Variants in CCDC91 observed in about 807,000 individuals in gnomAD.
CCDC91 encodes coiled-coil domain containing 91, also known as coiled-coil domain-containing protein 91.
In CCDC91, 48 loss-of-function variants were observed where a neutral mutation model predicts 63.2. That is an observed-to-expected ratio of 0.76 (90% CI 0.60 to 0.97). The LOEUF is 0.97. Among genes scored for constraint, CCDC91 ranks in the 50% least tolerant of loss-of-function variants. CCDC91 has a pLI of 0.00. For synonymous variants in CCDC91, 167 were observed against 165.8 expected, an observed-to-expected ratio of 1.01 and a Z score of -0.06; for missense variants, 500 against 494.6, an observed-to-expected ratio of 1.01 and a Z score of -0.10.
chr12:28,514,178 ATT>A (rs760320302), intron 12 of CCDC91, among the ~76,000 whole-genome samples: 5 of 151,878 alleles, frequency 3.3e-5, no homozygotes, highest in Non-Finnish European at 5.9e-5. Context: ...ACAGTATCTC[ATT>A]GTGGTTTTGA....
chr12:28,515,346 C>G (rs1215130569), intron 12 of CCDC91, among the ~76,000 whole-genome samples: 3 of 151,840 alleles, frequency 2.0e-5, no homozygotes, highest in African/African-American at 7.2e-5. Context: ...GTGACCTTCT[C>G]CCTGTTTCAC....
At chr12:28,409,674 T>G (rs1451562672) in intron 8 of CCDC91, among the ~76,000 whole-genome samples, 1 of 152,164 alleles carries the variant, frequency 6.6e-6, no homozygotes, top group African/African-American at 2.4e-5. Context: ...AATGTAGATA[T>G]TTAATGATAT....
At position 28,244,569 on chromosome 12, in the gene CCDC91, C is replaced by T. The variant is rs116569007; in HGVS notation, c.-14-12633C>T. ...AGTGCCTCAGTTGGGATGATGTGAA[C>T]GTTGAACACTGGAGGTGACTTGCTG... On this transcript the variant is annotated intron_variant, in intron 1 of 12. Transcript: ENST00000536442. 7.8e-3 allele frequency among the ~76,000 whole-genome samples: 890 copies of T among 114,772 alleles called. 14 individuals are homozygous for T. The highest frequency in any genetic ancestry group is 0.027 in the African/African-American group (820 of 30,010). The allele number at this position is 114,772 out of a possible 152,430, so 75.3% of individuals were successfully genotyped here.
chr12:28,446,161 C>G (rs1393535437), intron 8 of CCDC91, among the ~76,000 whole-genome samples: 1 of 152,104 alleles, frequency 6.6e-6, no homozygotes, highest in Non-Finnish European at 1.5e-5. Flanking sequence ...GAAAGTTTGG[C>G]TCATAGCACC....
At position 28,476,341 on chromosome 12, in the gene CCDC91, A is replaced by T. The variant is rs373134119; in HGVS notation, c.1102-7711A>T. On this transcript the variant is annotated intron_variant, in intron 11 of 12. Coordinates refer to ENST00000536442, the MANE Select transcript of CCDC91 (RefSeq NM_018318.5). The stretch of plus-strand genomic sequence containing the variant: ...AACTCATTCAAAACCGGTCAACTGC[A>T]TGGAAACTGAACAACCTGCTCCTGA... 6.6e-5 allele frequency among the ~76,000 whole-genome samples: 10 copies of T among 152,280 alleles called. No homozygotes were observed. The East Asian group carries it at 1.3e-3, about 21-fold the overall frequency.
chr12:28,322,366 T>C (rs1565794753), intron 6 of CCDC91, among the ~76,000 whole-genome samples: 1 of 151,854 alleles, frequency 6.6e-6, no homozygotes, highest in Non-Finnish European at 1.5e-5. Context: ...GCTCCAGTCC[T>C]TCTTCTGCTT....
intron 8 of CCDC91, among the ~76,000 whole-genome samples, chr12:28,416,760 CAG>C (rs1947687466): frequency 6.6e-6 from 1 of 152,204 alleles, no homozygotes; most frequent in Admixed American, 6.5e-5. Flanking sequence ...TAGTCAAAAA[CAG>C]AGCTTAGAAG....
intron 1 of CCDC91, among the ~76,000 whole-genome samples, chr12:28,207,218 A>G (rs1052071513): frequency 6.6e-6 from 1 of 152,190 alleles, no homozygotes; most frequent in Non-Finnish European, 1.5e-5. Context: ...ATCTTGGGAA[A>G]AGCTGTTCAC....
chr12:28,519,677 A>G (rs893897858), intron 12 of CCDC91, among the ~76,000 whole-genome samples: 2 of 149,534 alleles, frequency 1.3e-5, no homozygotes, highest in African/African-American at 2.5e-5. Context: ...CCATTAACTC[A>G]TCATTTACAT....
chr12:28,234,247 A>G (rs1228401584), intron 1 of CCDC91, among the ~76,000 whole-genome samples: 1 of 152,144 alleles, frequency 6.6e-6, no homozygotes. Context: ...AATCTTTTCT[A>G]TGAACACAGG....
intron 6 of CCDC91, among the ~76,000 whole-genome samples, chr12:28,326,504 C>T (rs1941015561): frequency 6.7e-6 from 1 of 149,794 alleles, no homozygotes; most frequent in South Asian, 2.1e-4. Context: ...CACCCACTAA[C>T]TCGTCATCTA....
chr12:28,483,586 T>C (rs10843187), intron 11 of CCDC91, among the ~76,000 whole-genome samples: 111,519 of 151,922 alleles, frequency 0.73, 41,362 homozygotes, highest in Middle Eastern at 0.79. Flanking sequence ...AACATCTTAA[T>C]CTGGCAAGAG....
At chr12:28,485,024 T>C (rs1022671230) in intron 12 of CCDC91, among the ~76,000 whole-genome samples, 8 of 151,912 alleles carry the variant, frequency 5.3e-5, no homozygotes, top group African/African-American at 1.9e-4. Flanking sequence ...ATGAGGAAAT[T>C]TGACACAATA....
intron 8 of CCDC91, among the ~76,000 whole-genome samples, chr12:28,416,348 AG>A (rs1337187027): frequency 6.6e-6 from 1 of 152,140 alleles, no homozygotes; most frequent in African/African-American, 2.4e-5. Context: ...TGTGTATCAA[AG>A]GGTATAGATA....
chr12:28,316,556 CTTTTTTTTTTT>C (rs67889099), intron 6 of CCDC91, among the ~76,000 whole-genome samples: 11 of 28,484 alleles, frequency 3.9e-4, no homozygotes, highest in South Asian at 2.0e-3. Context: ...CAACTCACAC[CTTTTTTTTTTT>C]TTTTTTTTTT....
At chr12:28,302,715 C>T (rs1938213872) in intron 3 of CCDC91, 1 of 818,800 alleles carries the variant, frequency 1.2e-6, no homozygotes, top group African/African-American at 1.8e-5. Flanking sequence ...GTATTATTAA[C>T]TGAGATGGAA....
intron 12 of CCDC91, among the ~76,000 whole-genome samples, chr12:28,508,126 C>G (rs1184742499): frequency 6.6e-6 from 1 of 151,928 alleles, no homozygotes; most frequent in East Asian, 2.0e-4. Flanking sequence ...AAGGCAGGCT[C>G]TGAGTAGTGC....
intron 1 of CCDC91, among the ~76,000 whole-genome samples, chr12:28,249,163 G>C (rs1354046514): frequency 6.6e-6 from 1 of 152,170 alleles, no homozygotes; most frequent in Non-Finnish European, 1.5e-5. Context: ...AGCTTTTCTG[G>C]AGAATGAGAG....
intron 1 of CCDC91, among the ~76,000 whole-genome samples, chr12:28,228,670 A>G (rs1246342220): frequency 6.6e-6 from 1 of 152,144 alleles, no homozygotes; most frequent in East Asian, 1.9e-4. Flanking sequence ...CTCTGGACCC[A>G]TAAAGAGTTA....
Sources: gnomAD v4.1 joint callset for allele counts (sites outside exome capture counted in the v4.1 genomes callset) on GRCh38, gnomAD v4.1.1 for gene constraint, MANE v1.5 for transcripts, NCBI Gene and HGNC (gene_info 2026-07-23, HGNC 2026-07-21) for gene names.